PARP1: variants seen among roughly 807,000 people sequenced by gnomAD.
The protein encoded by PARP1 is poly [ADP-ribose] polymerase 1.
A neutral mutation model predicts 118.7 loss-of-function variants in PARP1; 44 were observed. The observed-to-expected ratio is 0.37, with a 90% confidence interval of 0.29 to 0.48. The LOEUF (loss-of-function observed/expected upper bound fraction) is 0.48. Ranked by LOEUF, PARP1 falls within the 20% of genes least tolerant of loss-of-function variation. PARP1 has a pLI of 0.99. For missense variants in PARP1, 1,100 were observed against 1,272.4 expected (o/e 0.86, Z 2.06); for synonymous variants, 492 against 483.2 (o/e 1.02, Z -0.24).
intron 9 of PARP1, 51 bp downstream of exon 9, chr1:226,381,017 C>T: frequency 6.2e-7 from 1 of 1,604,936 alleles, no homozygotes; most frequent in Non-Finnish European, 8.5e-7. Flanking sequence ...TCATCACAAT[C>T]ATAAGATACA....
At chr1:226,367,382 A>T in intron 17 of PARP1, 98 bp downstream of exon 17, 1 of 1,462,352 alleles carries the variant, frequency 6.8e-7, no homozygotes. Flanking sequence ...CCTGTGTTTT[A>T]ACAAGCTTTC....
At chr1:226,366,086 G>A in intron 17 of PARP1, 34 bp from the exon 18 acceptor site, 2 of 1,381,248 alleles carry the variant, frequency 1.4e-6, no homozygotes, top group Non-Finnish European at 2.1e-6. Context: ...TAGCACAAAA[G>A]AGACCCAGGA....
At chr1:226,401,428 A>T (rs186601343) in intron 2 of PARP1, among the ~76,000 whole-genome samples, 24 of 152,344 alleles carry the variant, frequency 1.6e-4, no homozygotes, top group Admixed American at 1.4e-3. Context: ...ATTATATGCA[A>T]ATTAAGGGGC....
rs1664770320 is a variant in PARP1 at position 226,388,860 on chromosome 1, TAGGGCCTA to T, written c.618-113_618-106del. 4.7e-5 allele frequency: 41 copies of T among 872,344 alleles called. 1 individual carries two copies. The South Asian group carries it at 5.3e-4, about 11-fold the overall frequency. The allele number at this position is 872,344 out of a possible 1,614,324, so 54.0% of individuals were successfully genotyped here. A position where few individuals can be genotyped will look rare whatever the true frequency, so the allele number is the denominator to read the frequency against. ...TTAATGTCATTCTATCAACTCCCTG[TAGGGCCTA>T]CTCACACTTGTCACTCCCTAACCCC... On this transcript the variant is annotated intron_variant, in intron 4 of 22. Transcript: ENST00000366794.
chr1:226,388,726 A>C lies in PARP1; in HGVS notation c.647T>G (p.Val216Gly). 1 of 1,613,718 alleles carries C rather than the reference A, an allele frequency of 6.2e-7. No individual in the cohort carries two copies. The change falls in exon 5 of 23, where the codon GTG becomes GGG. Residue 216 changes from valine (V) to glycine (G), a missense_variant. Val to Gly is a moderately radical substitution (Grantham distance 109, BLOSUM62 -3). Transcript: ENST00000366794. ...AGATTTCTTCTTCGCCACTTCATCC[A>C]CTCCATCCACCTCATCGCCTTTTCT... Reference protein sequence around the residue: ...GKRKGDEVDGVDEVAKKKSKK... With the variant: ...GKRKGDEVDGGDEVAKKKSKK...
intron 2 of PARP1, among the ~76,000 whole-genome samples, chr1:226,399,891 G>C (rs1664995607): frequency 6.6e-6 from 1 of 152,012 alleles, no homozygotes; most frequent in Non-Finnish European, 1.5e-5. Context: ...ACTGCTATAA[G>C]AAAAAAAGTC....
intron 14 of PARP1, chr1:226,370,745 A>G (rs1453427416): frequency 3.4e-6 from 2 of 595,940 alleles, no homozygotes; most frequent in Admixed American, 4.8e-5. Flanking sequence ...GGCTGGGCTT[A>G]GCCAACCATG....
At position 226,388,764 on chromosome 1, in the gene PARP1, G is replaced by C. The variant is rs1664768377; in HGVS notation, c.618-9C>G. On this transcript the variant is annotated splice_polypyrimidine_tract_variant and intron_variant, in intron 4 of 22. Coordinates refer to ENST00000366794, the MANE Select transcript of PARP1 (RefSeq NM_001618.4). Reference sequence around the variant, plus strand: ...CATCGCCTTTTCTCTTTCTGAAGGAGACACAGGATATGAGAGACAGCCAGA... The same window carrying C: ...CATCGCCTTTTCTCTTTCTGAAGGACACACAGGATATGAGAGACAGCCAGA... 1.2e-6 allele frequency: 2 copies of C among 1,604,614 alleles called. No individual in the cohort carries two copies. Among genetic ancestry groups the C allele is most frequent in the African/African-American group, 1.3e-5 (1 of 74,716 alleles).
At chr1:226,402,035 T>C (rs557833132) in intron 2 of PARP1, 179 bp downstream of exon 2, 9 of 1,517,264 alleles carry the variant, frequency 5.9e-6, no homozygotes, top group Non-Finnish European at 8.0e-6. Flanking sequence ...CCAAATATCA[T>C]GCAACAGATG....
At chr1:226,379,544 C>T (rs754364452) in intron 11 of PARP1, 29 bp downstream of exon 11, 2 of 1,584,298 alleles carry the variant, frequency 1.3e-6, no homozygotes, top group Admixed American at 3.3e-5. Flanking sequence ...GCGGCACAGC[C>T]CACTTTGCTG....
chr1:226,361,648 C>T, intron 22 of PARP1, 107 bp from the exon 23 acceptor site: 1 of 820,952 alleles, frequency 1.2e-6, no homozygotes, highest in Non-Finnish European at 2.1e-6. Flanking sequence ...CTGAAAGTCA[C>T]TCTAAGGCCT....
chr1:226,390,558 A>C lies in PARP1; in HGVS notation c.469T>G (p.Trp157Gly). ...TTGACAAAGCAGCCTGGATGGTACC[A>C]GCGGTCAATCATGCCTAGCTGTGGC... ...EKPQLGMIDRWYHPGCFVKNR... is the reference protein window; with the variant it reads ...EKPQLGMIDRGYHPGCFVKNR... Residue 157 changes from tryptophan to glycine, a missense_variant, in exon 4 of 23, where the codon TGG becomes GGG. Around this residue, in one of 2 missense-constraint regions of PARP1, gnomAD observed 948 missense variants for 1,031.8 expected, o/e 0.92. Transcript: ENST00000366794. 6.2e-7 allele frequency: 1 copy of C among 1,614,224 alleles called. No individual in the cohort carries two copies. Among genetic ancestry groups the C allele is most frequent in the South Asian group, 1.1e-5 (1 of 91,086 alleles).
chr1:226,399,306 G>A (rs568639296), intron 2 of PARP1, among the ~76,000 whole-genome samples: 4 of 151,942 alleles, frequency 2.6e-5, no homozygotes, highest in East Asian at 3.9e-4. Context: ...TCCTGACCTC[G>A]TAATCTGCTG....
At chr1:226,387,100 A>G (rs1030860745) in intron 5 of PARP1, among the ~76,000 whole-genome samples, 1 of 152,114 alleles carries the variant, frequency 6.6e-6, no homozygotes, top group African/African-American at 2.4e-5. Flanking sequence ...CTCCTGCCTC[A>G]GTCTCCTGAG....
At position 226,385,629 on chromosome 1, in the gene PARP1, C is replaced by T. The variant is rs781235145; in HGVS notation, c.886G>A (p.Glu296Lys). The T allele has an allele frequency of 6.8e-6, 11 of 1,614,016 alleles. No individual in the cohort carries two copies. The South Asian group carries it at 7.7e-5, about 11-fold the overall frequency. ...GMVFGALLPC[E>K]ECSGQLVFKS... The stretch of plus-strand genomic sequence containing the variant: ...AAGACCAGCTGACCCGAGCATTCCT[C>T]GCAGGGAAGGAGGGCACCGAACACC... Residue 296 changes from glutamate (E) to lysine (K), a missense_variant, in exon 7 of 23, where the codon GAG becomes AAG. Around this residue, in one of 2 missense-constraint regions of PARP1, gnomAD observed 948 missense variants for 1,031.8 expected, o/e 0.92. Transcript: ENST00000366794.
At position 226,361,432 on chromosome 1, in the gene PARP1, C is replaced by G. The variant is rs377335474; in HGVS notation, c.*28G>C. 2 of 1,504,810 alleles carry G rather than the reference C, an allele frequency of 1.3e-6. No individual in the cohort carries two copies. Among genetic ancestry groups the G allele is most frequent in the South Asian group, 2.3e-5 (2 of 88,850 alleles). 93.2% of individuals were successfully genotyped at this position (1,504,810 alleles called of 1,614,324 possible). ...TTCGGGTGAATTCATACCAGAGCCA[C>G]CGGGTGTGACTCGGCTACCTCTCCC... On this transcript the variant is annotated 3_prime_UTR_variant, in exon 23 of 23. Transcript: ENST00000366794.
chr1:226,367,497 G>T lies in PARP1; in HGVS notation c.2389C>A (p.Leu797Ile), dbSNP rs776876484. ...CCTGTTACCTTAATGTCAGTTTTGA[G>T]CTTCTCATAGTTGACATCGATGGGA... ...KDPIDVNYEK[L>I]KTDIKVVDRD... Residue 797 changes from leucine to isoleucine, a missense_variant, in exon 17 of 23, where the codon CTC (leucine) becomes ATC (isoleucine). This residue lies in a region of PARP1 where 948 missense variants were observed against 1,031.8 expected (regional missense o/e 0.92). Transcript: ENST00000366794. 5.6e-5 allele frequency: 91 copies of T among 1,614,000 alleles called. No individual in the cohort carries two copies. The highest frequency in any genetic ancestry group is 7.6e-5 in the Non-Finnish European group (90 of 1,180,040).
At chr1:226,393,584 T>C (rs184488321) in intron 2 of PARP1, among the ~76,000 whole-genome samples, 26 of 152,342 alleles carry the variant, frequency 1.7e-4, no homozygotes, top group Admixed American at 1.7e-3. Flanking sequence ...CTCACAGGCA[T>C]TGCTCTGAGT....
chr1:226,383,031 T>C lies in PARP1; in HGVS notation c.1159+5A>G. ...GCTCTAAGACCGGGGTCCCAAATGC[T>C]GTACCTGCTGAAGCAGAGGAGTTCA... On this transcript the variant is annotated splice_donor_5th_base_variant and intron_variant, in intron 8 of 22. Transcript: ENST00000366794. 2.5e-6 allele frequency: 4 copies of C among 1,612,688 alleles called. No individual in the cohort carries two copies. Among genetic ancestry groups the C allele is most frequent in the Non-Finnish European group, 3.4e-6 (4 of 1,179,948 alleles).
Sources: gnomAD v4.1 joint callset for allele counts (sites outside exome capture counted in the v4.1 genomes callset) on GRCh38, gnomAD v4.1.1 for gene constraint, gnomAD v4.1.1 regional missense constraint, MANE v1.5 for transcripts, NCBI Gene and HGNC (gene_info 2026-07-23, HGNC 2026-07-21) for gene names.